Variants in TMEM161B observed in about 807,000 individuals in gnomAD.
TMEM161B encodes the protein transmembrane protein 161B.
In TMEM161B, 34 loss-of-function variants were observed where a neutral mutation model predicts 61.8. The ratio of observed to expected loss-of-function variants is 0.55; its 90% CI spans 0.42 to 0.73. The LOEUF (loss-of-function observed/expected upper bound fraction) is 0.73, where lower values mean the gene tolerates loss of function less well. Ranked by LOEUF, TMEM161B falls within the 30% of genes least tolerant of loss-of-function variation. The pLI, the probability that TMEM161B is intolerant of heterozygous loss-of-function variation, is 0.00. For synonymous variants in TMEM161B, 167 were observed against 192.8 expected, an observed-to-expected ratio of 0.87 and a Z score of 1.11; for missense variants, 456 against 558.5, an observed-to-expected ratio of 0.82 and a Z score of 1.85.
intron 1 of TMEM161B, among the ~76,000 whole-genome samples, chr5:88,267,646 A>G (rs1409638505): frequency 6.6e-6 from 1 of 152,094 alleles, no homozygotes; most frequent in East Asian, 1.9e-4. Flanking sequence ...AAGGTTAAGA[A>G]ACCCCTTGCC....
At chr5:88,249,058 G>A (rs144036822) in intron 1 of TMEM161B, among the ~76,000 whole-genome samples, 77 of 152,148 alleles carry the variant, frequency 5.1e-4, no homozygotes, top group Non-Finnish European at 1.0e-3. Context: ...GTTTTGCCAC[G>A]CAAACTGGGT....
downstream of TMEM161B, among the ~76,000 whole-genome samples, chr5:88,191,449 A>G (rs1748838356): frequency 6.6e-6 from 1 of 152,208 alleles, no homozygotes; most frequent in African/African-American, 2.4e-5. Context: ...GGGTGTGTGG[A>G]ACAGCCTATG....
rs1748594864 is a variant in TMEM161B, at chr5:88,189,719, T to C, written c.*333A>G. 2.5e-5 allele frequency: 5 copies of C among 199,372 alleles called. No homozygotes were observed. The South Asian group carries it at 4.6e-4, about 18-fold the overall frequency. The allele number at this position is 199,372 out of a possible 1,614,324, so 12.4% of individuals were successfully genotyped here. ...TTTCACCTAACTCTTGGGGAGTGCC[T>C]GGAAGTCCCCACAATATGGGAGGGG... is the stretch of plus-strand genomic sequence containing the variant. On this transcript the variant is annotated 3_prime_UTR_variant, in exon 13 of 13. Coordinates refer to the TMEM161B transcript ENST00000514135.
chr5:88,247,681 TA>T (rs1191541758), intron 1 of TMEM161B, among the ~76,000 whole-genome samples: 1 of 152,056 alleles, frequency 6.6e-6, no homozygotes, highest in Non-Finnish European at 1.5e-5. Context: ...ACATAAAACT[TA>T]GAATTCACAC....
At chr5:88,221,743 C>T (rs1749025602) in intron 4 of TMEM161B, 1 of 455,968 alleles carries the variant, frequency 2.2e-6, no homozygotes. Context: ...ACATCAACAT[C>T]ATTTTTTAGA....
downstream of TMEM161B, among the ~76,000 whole-genome samples, chr5:88,194,680 G>C (rs1580301295): frequency 6.6e-6 from 1 of 152,042 alleles, no homozygotes; most frequent in African/African-American, 2.4e-5. Flanking sequence ...CCCAAAGACA[G>C]GAATTTGCTA....
downstream of TMEM161B, among the ~76,000 whole-genome samples, chr5:88,194,697 A>T (rs1749343243): frequency 6.6e-6 from 1 of 152,114 alleles, no homozygotes; most frequent in Admixed American, 6.6e-5. Flanking sequence ...GCTATATTAA[A>T]ATTTTCAGAT....
At chr5:88,252,036 A>C (rs1238612911) in intron 1 of TMEM161B, among the ~76,000 whole-genome samples, 1 of 152,190 alleles carries the variant, frequency 6.6e-6, no homozygotes, top group Non-Finnish European at 1.5e-5. Context: ...CGTAACAATA[A>C]ATATACATAT....
intron 1 of TMEM161B, among the ~76,000 whole-genome samples, chr5:88,261,131 A>C (rs1233421914): frequency 1.3e-5 from 2 of 152,218 alleles, no homozygotes; most frequent in Non-Finnish European, 2.9e-5. Flanking sequence ...ATATATTAGC[A>C]ATGAACAAGT....
At chr5:88,233,862 G>T (rs1751403983) in intron 2 of TMEM161B, among the ~76,000 whole-genome samples, 1 of 152,040 alleles carries the variant, frequency 6.6e-6, no homozygotes. Context: ...CTGCAGTTCA[G>T]AGATAATTTG....
chr5:88,235,108 C>A (rs560434249), intron 2 of TMEM161B, among the ~76,000 whole-genome samples: 2 of 152,196 alleles, frequency 1.3e-5, no homozygotes, highest in African/African-American at 4.8e-5. Context: ...TATTATCAGA[C>A]AACTACAACT....
intron 8 of TMEM161B, among the ~76,000 whole-genome samples, 187 bp from the exon 9 acceptor site, chr5:88,203,262 T>C (rs1462485618): frequency 3.3e-5 from 5 of 152,132 alleles, no homozygotes; most frequent in African/African-American, 1.2e-4. Context: ...CTGTGAGAAA[T>C]TATATCATTA....
chr5:88,265,328 A>T (rs1183915251), intron 1 of TMEM161B, among the ~76,000 whole-genome samples: 1 of 152,102 alleles, frequency 6.6e-6, no homozygotes, highest in Non-Finnish European at 1.5e-5. Context: ...TTTTTCACAC[A>T]TTGTGGAGGC....
intron 6 of TMEM161B, 105 bp from the exon 7 acceptor site, chr5:88,206,604 T>G (rs2112418801): frequency 1.8e-6 from 2 of 1,126,260 alleles, no homozygotes; most frequent in East Asian, 5.2e-5. Context: ...ATCTTAAATT[T>G]TGAAGTGACT....
Position 88,220,735 on chromosome 5 carries a change from A to AC in TMEM161B, c.290-17_290-16insG. The AC allele has an allele frequency of 6.6e-7, 1 of 1,509,530 alleles. No individual in the cohort carries two copies. Among genetic ancestry groups the AC allele is most frequent in the Non-Finnish European group, 8.8e-7 (1 of 1,134,818 alleles). The allele number at this position is 1,509,530 out of a possible 1,614,324, so 93.5% of individuals were successfully genotyped here. Reference sequence around the variant, plus strand: ...TAATGCAATGCTGGAAAGAAAAAAAAAAAAAAAAAAAAAAAAGGTCAAAAA... The same window carrying AC: ...TAATGCAATGCTGGAAAGAAAAAAAACAAAAAAAAAAAAAAAAGGTCAAAAA... On this transcript the variant is annotated splice_polypyrimidine_tract_variant and intron_variant, in intron 4 of 11. Transcript: ENST00000296595.
At position 88,197,679 on chromosome 5, in the gene TMEM161B, C is replaced by T; in HGVS notation, c.1176G>A (p.Leu392=). Residue 392 remains leucine (L), a synonymous_variant, in exon 11 of 12, where the codon TTG becomes TTA. Coordinates refer to ENST00000296595, the MANE Select transcript of TMEM161B (RefSeq NM_153354.5). ...LVMLLHTTLL[L]KTLGNHSWGI... is the part of the protein sequence containing the mutation. ...CCAGGGCATGCCTACCTAGTGTTTTCAAAAGCAGAGTTGTGTGAAGCAGCA... is the reference window on the plus strand; with the variant it reads ...CCAGGGCATGCCTACCTAGTGTTTTTAAAAGCAGAGTTGTGTGAAGCAGCA... 6.2e-7 allele frequency: 1 copy of T among 1,612,258 alleles called. No individual in the cohort carries two copies.
At chr5:88,235,680 T>C (rs1751739470) in intron 2 of TMEM161B, among the ~76,000 whole-genome samples, 1 of 152,188 alleles carries the variant, frequency 6.6e-6, no homozygotes, top group East Asian at 1.9e-4. Flanking sequence ...ACATTTCTGC[T>C]GTTGAGAAGC....
intron 2 of TMEM161B, among the ~76,000 whole-genome samples, chr5:88,230,278 T>C (rs1750769714): frequency 1.3e-5 from 2 of 152,072 alleles, no homozygotes; most frequent in Non-Finnish European, 2.9e-5. Context: ...CATTAAAAAA[T>C]TTTAGGTATG....
intron 1 of TMEM161B, among the ~76,000 whole-genome samples, chr5:88,243,907 CTGTT>C (rs1382141415): frequency 6.6e-6 from 1 of 151,822 alleles, no homozygotes; most frequent in Non-Finnish European, 1.5e-5. Flanking sequence ...TGAAAGGTGT[CTGTT>C]TGTGTTCCTT....
Sources: gnomAD v4.1 joint callset for allele counts (sites outside exome capture counted in the v4.1 genomes callset) on GRCh38, gnomAD v4.1.1 for gene constraint, MANE v1.5 for transcripts, NCBI Gene and HGNC (gene_info 2026-07-23, HGNC 2026-07-21) for gene names.